Variants in IKZF1 observed in about 807,000 individuals in gnomAD.
IKZF1 encodes IKAROS family zinc finger 1.
Under a neutral mutation model 51.7 loss-of-function variants are expected in IKZF1, and 10 were observed. The ratio of observed to expected loss-of-function variants is 0.19; its 90% confidence interval spans 0.12 to 0.33. The LOEUF is 0.33. Among genes scored for constraint, IKZF1 ranks in the 10% least tolerant of loss-of-function variants. IKZF1 has a pLI of 1.00. For missense variants in IKZF1, 484 were observed against 707.5 expected (o/e 0.68, Z 3.58); for synonymous variants, 280 against 282.3 (o/e 0.99, Z 0.08).
rs549898342 is a variant in IKZF1 at position 50,343,137 on chromosome 7, T to C, written c.160+15380T>C. 3.2e-3 allele frequency among the ~76,000 whole-genome samples: 436 copies of C among 135,176 alleles called. 1 individual carries two copies. Among genetic ancestry groups the C allele is most frequent in the Middle Eastern group, 0.014 (4 of 282 alleles). 88.7% of individuals were successfully genotyped at this position (135,176 alleles called of 152,430 possible). A position where few individuals can be genotyped will look rare whatever the true frequency, so the allele number is the denominator to read the frequency against. ...TCTTTCCTCCCTCCCTCCCTTTCTT[T>C]CTTCCTTCCTTTCTTTCTTCCCTCC... On this transcript the variant is annotated intron_variant, in intron 3 of 7. Transcript: ENST00000331340.
intron 1 of IKZF1, chr7:50,308,724 G>C (rs1438186188): frequency 6.6e-6 from 1 of 152,306 alleles, no homozygotes; most frequent in Non-Finnish European, 1.5e-5. Flanking sequence ...CTGGTGGAGT[G>C]TGAAGGCAGC....
chr7:50,321,276 A>G (rs1427816566), intron 2 of IKZF1, among the ~76,000 whole-genome samples: 2 of 152,234 alleles, frequency 1.3e-5, no homozygotes, highest in Non-Finnish European at 2.9e-5. Flanking sequence ...TTTCGTAAAC[A>G]AAAAAGCACA....
intron 3 of IKZF1, among the ~76,000 whole-genome samples, chr7:50,334,471 A>G (rs1349610647): frequency 1.3e-5 from 2 of 151,258 alleles, no homozygotes; most frequent in African/African-American, 4.9e-5. Context: ...ATGTAGTTGT[A>G]TGTTGTGTGT....
intron 1 of IKZF1, among the ~76,000 whole-genome samples, chr7:50,316,697 C>T (rs1049937443): frequency 1.3e-5 from 2 of 152,364 alleles, no homozygotes; most frequent in South Asian, 4.1e-4. Flanking sequence ...AAACTGTTCT[C>T]ACATCTCACC....
chr7:50,402,811 G>C lies in IKZF1; in HGVS notation c.*2184G>C, dbSNP rs116186575. The C allele has an allele frequency of 4.3e-6, 1 of 230,360 alleles. No homozygotes were observed. Among genetic ancestry groups the C allele is most frequent in the African/African-American group, 2.2e-5 (1 of 45,190 alleles). The allele number at this position is 230,360 out of a possible 1,614,324, so 14.3% of individuals were successfully genotyped here. ...TTTGGAAACGGGAATAAACAAAATT[G>C]CTGCACCAATGCACTGAGTGAAGGA... On this transcript the variant is annotated 3_prime_UTR_variant, in exon 8 of 8. Coordinates refer to ENST00000331340, the MANE Select transcript of IKZF1 (RefSeq NM_006060.6).
chr7:50,381,292 T>C (rs1448142348), intron 4 of IKZF1, among the ~76,000 whole-genome samples: 2 of 152,224 alleles, frequency 1.3e-5, no homozygotes, highest in Non-Finnish European at 2.9e-5. Context: ...TTTTAATACA[T>C]TGTTTTTTCC....
At chr7:50,387,118 C>T (rs2153487336) in intron 5 of IKZF1, among the ~76,000 whole-genome samples, 1 of 152,302 alleles carries the variant, frequency 6.6e-6, no homozygotes, top group Admixed American at 6.5e-5. Flanking sequence ...GTAAAGTAGA[C>T]AAACTAAGAC....
At chr7:50,365,009 A>G (rs1438218324) in intron 3 of IKZF1, among the ~76,000 whole-genome samples, 1 of 152,218 alleles carries the variant, frequency 6.6e-6, no homozygotes, top group East Asian at 1.9e-4. Context: ...GTATATTTGC[A>G]TTAACACACA....
At chr7:50,397,274 A>T (rs900264905) in intron 7 of IKZF1, among the ~76,000 whole-genome samples, 1 of 152,228 alleles carries the variant, frequency 6.6e-6, no homozygotes, top group Admixed American at 6.5e-5. Flanking sequence ...ATATTCTATG[A>T]CTATACATGA....
At chr7:50,347,236 A>G (rs1800603044) in intron 3 of IKZF1, among the ~76,000 whole-genome samples, 1 of 152,220 alleles carries the variant, frequency 6.6e-6, no homozygotes, top group South Asian at 2.1e-4. Context: ...AGTTAAAAAC[A>G]GAGCCTTTTT....
At chr7:50,367,675 T>G (rs1357743040) in intron 3 of IKZF1, 2 of 225,364 alleles carry the variant, frequency 8.9e-6, no homozygotes, top group Admixed American at 5.3e-5. Flanking sequence ...AGGAGCCGAG[T>G]GTTTGGACTG....
At chr7:50,320,422 G>A (rs796075791) in intron 2 of IKZF1, among the ~76,000 whole-genome samples, 33 of 152,120 alleles carry the variant, frequency 2.2e-4, no homozygotes, top group African/African-American at 6.5e-4. Flanking sequence ...AACATTTATC[G>A]TTTCTTTGTA....
intron 5 of IKZF1, among the ~76,000 whole-genome samples, chr7:50,387,009 T>A (rs1266120762): frequency 1.3e-5 from 2 of 152,146 alleles, no homozygotes; most frequent in Non-Finnish European, 2.9e-5. Flanking sequence ...CACATCTCTG[T>A]CCAGTCGCTG....
chr7:50,309,098 G>T (rs1369173143), intron 1 of IKZF1, among the ~76,000 whole-genome samples: 8 of 152,218 alleles, frequency 5.3e-5, no homozygotes. Context: ...GCTTTCGGAT[G>T]GCCCCATGCT....
chr7:50,321,741 G>C (rs1014975792), intron 2 of IKZF1, among the ~76,000 whole-genome samples: 1 of 151,990 alleles, frequency 6.6e-6, no homozygotes, highest in African/African-American at 2.4e-5. Flanking sequence ...TTCCGATCTC[G>C]TATCTTAGTA....
chr7:50,369,652 G>T, intron 3 of IKZF1: 1 of 398,236 alleles, frequency 2.5e-6, no homozygotes. Context: ...TGCCCCCTTT[G>T]CCCTCAACAC....
In IKZF1 at chr7:50,387,426, A is replaced by C; in HGVS notation, c.671A>C (p.His224Pro). Reference protein sequence around the residue: ...SSLEEHKERCHNYLESMGLPG... With the variant: ...SSLEEHKERCPNYLESMGLPG... Reference sequence around the variant, plus strand: ...TTAGAGGAACATAAAGAGCGCTGCCACAACTACTTGGAAAGCATGGGCCTT... The same window carrying C: ...TTAGAGGAACATAAAGAGCGCTGCCCCAACTACTTGGAAAGCATGGGCCTT... The change falls in exon 6 of 8, where the codon CAC (histidine) becomes CCC (proline). Residue 224 changes from histidine to proline, a missense_variant. By Grantham distance (77) the His-to-Pro change is moderately conservative. Transcript: ENST00000331340. The C allele has an allele frequency of 6.2e-7, 1 of 1,612,894 alleles. No homozygotes were observed. Among genetic ancestry groups the C allele is most frequent in the Non-Finnish European group, 8.5e-7 (1 of 1,179,446 alleles).
intron 7 of IKZF1, 145 bp downstream of exon 7, chr7:50,392,008 A>G (rs1398581674): frequency 8.2e-7 from 1 of 1,219,948 alleles, no homozygotes; most frequent in Non-Finnish European, 1.1e-6. Flanking sequence ...TTCCTTAAAT[A>G]TCTTAGAATT....
intron 4 of IKZF1, among the ~76,000 whole-genome samples, chr7:50,379,441 G>A (rs765595182): frequency 4.6e-5 from 7 of 152,086 alleles, no homozygotes; most frequent in Non-Finnish European, 7.4e-5. Context: ...TCAGCTCATC[G>A]GCACCAGCAC....
Sources: gnomAD v4.1 joint callset for allele counts (sites outside exome capture counted in the v4.1 genomes callset) on GRCh38, gnomAD v4.1.1 for gene constraint, MANE v1.5 for transcripts, NCBI Gene and HGNC (gene_info 2026-07-23, HGNC 2026-07-21) for gene names.